The following RBFOX3 variants were observed in gnomAD, a reference collection of about 807,000 sequenced individuals.
RBFOX3 encodes RNA binding fox-1 homolog 3.
RBFOX3 carries 17 observed loss-of-function variants against 48.7 expected under a neutral mutation model. That is an observed-to-expected ratio of 0.35 (90% CI 0.24 to 0.52). RBFOX3 has a LOEUF of 0.52. Among genes scored for constraint, RBFOX3 ranks in the 20% least tolerant of loss-of-function variants. The pLI is 0.94. For missense variants in RBFOX3, 382 were observed against 497.5 expected, an observed-to-expected ratio of 0.77 and a Z score of 2.21; for synonymous variants, 212 against 209.5, an observed-to-expected ratio of 1.01 and a Z score of -0.10.
rs530957443 is a variant in RBFOX3 at position 79,135,292 on chromosome 17, A to G, written c.-33-19544T>C. Among the ~76,000 whole-genome samples, 12 of 152,166 alleles carry G rather than the reference A, an allele frequency of 7.9e-5. 1 individual carries two copies. In the South Asian group the frequency reaches 2.3e-3, roughly 29 times the overall value. On this transcript the variant is annotated intron_variant, in intron 4 of 14. Transcript: ENST00000693108. Reference sequence around the variant, plus strand: ...AAGGCGGTGGGGTCCTGGGGAGGTGAGATGGGTGGCGGTGGGGTCCCTGGG... The same window carrying G: ...AAGGCGGTGGGGTCCTGGGGAGGTGGGATGGGTGGCGGTGGGGTCCCTGGG...
At chr17:79,642,725 C>A in the RBFOX3 span, among the ~76,000 whole-genome samples, 3 of 151,598 alleles carry the variant, frequency 2.0e-5, no homozygotes, top group Non-Finnish European at 4.4e-5. Flanking sequence ...CAAAGAAGGC[C>A]GAGAAGGAGG....
At position 79,293,831 on chromosome 17, in the gene RBFOX3, G is replaced by T. The variant is rs1025639739; in HGVS notation, c.-74+13893C>A. Among the ~76,000 whole-genome samples, 10 of 152,288 alleles carry T rather than the reference G, an allele frequency of 6.6e-5. No homozygotes were observed. The East Asian group carries it at 1.9e-3, about 29-fold the overall frequency. ...GAAGGCTGCCCTGTAGCAGCGGCAA[G>T]GTCCACAAATAAGCCAGATGAAGGA... On this transcript the variant is annotated intron_variant, in intron 3 of 14. Coordinates refer to ENST00000693108, the MANE Select transcript of RBFOX3 (RefSeq NM_001350451.2).
In RBFOX3 at chr17:79,280,186, G is replaced by A. The variant is rs575441531; in HGVS notation, c.-74+27538C>T. On this transcript the variant is annotated intron_variant, in intron 3 of 14. Transcript: ENST00000693108. ...ACGCACACACCACTCACACACACATGCACACTTATACACACCACACACTCA... is the reference window on the plus strand; with the variant it reads ...ACGCACACACCACTCACACACACATACACACTTATACACACCACACACTCA... 2.7e-5 allele frequency among the ~76,000 whole-genome samples: 4 copies of A among 148,146 alleles called. No individual in the cohort carries two copies. The East Asian group carries it at 8.0e-4, about 30-fold the overall frequency.
intron 3 of RBFOX3, among the ~76,000 whole-genome samples, chr17:79,301,482 G>A (rs12943410): frequency 0.03 from 4,525 of 152,246 alleles, 88 homozygotes; most frequent in Middle Eastern, 0.041. Flanking sequence ...GCTCAGAGTC[G>A]CCCTGACAAG....
intron 2 of RBFOX3, among the ~76,000 whole-genome samples, chr17:79,404,432 A>G (rs2063280963): frequency 6.6e-6 from 1 of 152,222 alleles, no homozygotes; most frequent in Admixed American, 6.5e-5. Context: ...CCCAGGCCAC[A>G]CGGCCCCACT....
intron 3 of RBFOX3, among the ~76,000 whole-genome samples, chr17:79,294,892 C>A (rs1294468348): frequency 6.6e-6 from 1 of 152,204 alleles, no homozygotes; most frequent in African/African-American, 2.4e-5. Context: ...CGTTTCCCTC[C>A]CAACTCTTTA....
rs774111101 is a variant in RBFOX3, at chr17:79,115,619, A to C, written c.97T>G (p.Tyr33Asp). Reference sequence around the variant, plus strand: ...GTGGGGACCGGGGTCTGGCCGGAGTAGTCCTGCGTGGGGTGCGGTGGGGGC... The same window carrying C: ...GTGGGGACCGGGGTCTGGCCGGAGTCGTCCTGCGTGGGGTGCGGTGGGGGC... ...APPPPHPTQD[Y>D]SGQTPVPTEH... The change falls in exon 5 of 15, where the codon TAC (tyrosine) becomes GAC (aspartate). Residue 33 changes from tyrosine to aspartate, a missense_variant. Tyr to Asp is a radical substitution (Grantham distance 160). Around this residue, in one of 3 missense-constraint regions of RBFOX3, gnomAD observed 118 missense variants for 132.1 expected, o/e 0.89. Coordinates refer to ENST00000693108, the MANE Select transcript of RBFOX3 (RefSeq NM_001350451.2). 13 of 1,294,318 alleles carry C rather than the reference A, an allele frequency of 1.0e-5. No homozygotes were observed. In the South Asian group the frequency reaches 2.0e-4, roughly 20 times the overall value. 80.2% of individuals were successfully genotyped at this position (1,294,318 alleles called of 1,614,324 possible).
intron 3 of RBFOX3, among the ~76,000 whole-genome samples, chr17:79,271,356 G>A (rs532345901): frequency 9.2e-5 from 14 of 152,302 alleles, no homozygotes; most frequent in East Asian, 5.8e-4. Context: ...GATTACAGGC[G>A]TGAGCCACCG....
chr17:79,399,169 C>T (rs922254212), intron 2 of RBFOX3, among the ~76,000 whole-genome samples: 2 of 152,118 alleles, frequency 1.3e-5, no homozygotes, highest in Non-Finnish European at 2.9e-5. Context: ...GCCCTGCTGA[C>T]CCCTTGGTTT....
intron 10 of RBFOX3, 82 bp from the exon 11 acceptor site, chr17:79,097,506 C>G (rs1455235709): frequency 2.1e-6 from 3 of 1,435,994 alleles, no homozygotes; most frequent in African/African-American, 1.5e-5. Flanking sequence ...CCTAGCCCCC[C>G]CGCGCACCTA....
intron 2 of RBFOX3, among the ~76,000 whole-genome samples, chr17:79,440,003 G>T (rs1049158820): frequency 4.6e-5 from 7 of 152,202 alleles, no homozygotes; most frequent in Admixed American, 4.6e-4. Flanking sequence ...CAGGGGAGGG[G>T]AGCGTCCCTG....
intron 1 of RBFOX3, among the ~76,000 whole-genome samples, chr17:79,511,869 GTGCA>G (rs2084296284): frequency 4.4e-5 from 4 of 90,948 alleles, no homozygotes; most frequent in African/African-American, 1.8e-4. Context: ...GGGGACACAC[GTGCA>G]GATACATATT....
intron 1 of RBFOX3, among the ~76,000 whole-genome samples, chr17:79,596,402 CAG>C (rs1305360290): frequency 1.3e-5 from 2 of 152,164 alleles, no homozygotes; most frequent in South Asian, 2.1e-4. Context: ...GATCAGCAGG[CAG>C]AGAGTGTGCC....
chr17:79,330,381 A>C lies in RBFOX3; in HGVS notation c.-174-22557T>G, dbSNP rs532139309. ...CCTAGGACTACACAGGAGTCCCCCCAGTTTTCTCCCACTCAGACCCTCACT... is the reference window on the plus strand; with the variant it reads ...CCTAGGACTACACAGGAGTCCCCCCCGTTTTCTCCCACTCAGACCCTCACT... On this transcript the variant is annotated intron_variant, in intron 2 of 14. Coordinates refer to ENST00000693108, the MANE Select transcript of RBFOX3 (RefSeq NM_001350451.2). Among the ~76,000 whole-genome samples, 231 of 152,152 alleles carry C rather than the reference A, an allele frequency of 1.5e-3. 1 individual carries two copies. The highest frequency in any genetic ancestry group is 5.4e-3 in the African/African-American group (226 of 41,512).
chr17:79,435,566 A>C (rs2069255676), intron 2 of RBFOX3, among the ~76,000 whole-genome samples: 1 of 152,170 alleles, frequency 6.6e-6, no homozygotes. Context: ...CAGGGCGTTT[A>C]GGAGTAAATG....
At chr17:79,557,184 C>A (rs2091826482) in intron 1 of RBFOX3, among the ~76,000 whole-genome samples, 1 of 146,706 alleles carries the variant, frequency 6.8e-6, no homozygotes, top group Non-Finnish European at 1.5e-5. Flanking sequence ...CGAGGTCGCA[C>A]CACTGCACTC....
At chr17:79,400,768 G>A (rs1362896698) in intron 2 of RBFOX3, among the ~76,000 whole-genome samples, 1 of 152,144 alleles carries the variant, frequency 6.6e-6, no homozygotes, top group Non-Finnish European at 1.5e-5. Flanking sequence ...CCCCTTTTTG[G>A]GGGCACCTGT....
intron 4 of RBFOX3, among the ~76,000 whole-genome samples, chr17:79,116,182 G>A (rs2033902341): frequency 6.6e-6 from 1 of 152,196 alleles, no homozygotes; most frequent in African/African-American, 2.4e-5. Flanking sequence ...TACTGACATG[G>A]ATTCACACAA....
At chr17:79,188,414 TTTAA>T (rs772762333) in intron 4 of RBFOX3, among the ~76,000 whole-genome samples, 10 of 152,200 alleles carry the variant, frequency 6.6e-5, no homozygotes, top group South Asian at 2.1e-4. Flanking sequence ...TATTTATCTG[TTTAA>T]TTAAGAGGCG....
Sources: gnomAD v4.1 joint callset for allele counts (sites outside exome capture counted in the v4.1 genomes callset) on GRCh38, gnomAD v4.1.1 for gene constraint, gnomAD v4.1.1 regional missense constraint, MANE v1.5 for transcripts, NCBI Gene and HGNC (gene_info 2026-07-23, HGNC 2026-07-21) for gene names.